The following LRRC72 variants were observed in gnomAD, a reference collection of about 807,000 sequenced individuals.
The protein encoded by LRRC72 is leucine-rich repeat-containing protein 72.
A neutral mutation model predicts 35.8 loss-of-function variants in LRRC72; 41 were observed. The observed-to-expected ratio is 1.15, with a 90% CI of 0.89 to 1.49. The LOEUF is 1.49. Ranked by LOEUF, LRRC72 falls within the 40% of genes most tolerant of loss-of-function variation. The pLI, the probability that LRRC72 is intolerant of heterozygous loss-of-function variation, is 0.00. For synonymous variants in LRRC72, 118 were observed against 119.2 expected, an observed-to-expected ratio of 0.99 and a Z score of 0.07; for missense variants, 389 against 330.7, an observed-to-expected ratio of 1.18 and a Z score of -1.37.
chr7:16,564,085 A>ATTCT (rs756022123), intron 5 of LRRC72, among the ~76,000 whole-genome samples: 3 of 152,228 alleles, frequency 2.0e-5, no homozygotes, highest in Non-Finnish European at 4.4e-5. Context: ...GGGAAAGAGA[A>ATTCT]GACGAAGGGT....
chr7:16,530,865 C>T (rs879462281), intron 1 of LRRC72, among the ~76,000 whole-genome samples: 2 of 152,104 alleles, frequency 1.3e-5, no homozygotes, highest in South Asian at 2.1e-4. Flanking sequence ...ACTGACTGTA[C>T]GTAGTAGAGG....
chr7:16,570,406 A>G (rs1487339896), intron 7 of LRRC72, among the ~76,000 whole-genome samples: 1 of 152,240 alleles, frequency 6.6e-6, no homozygotes, highest in Non-Finnish European at 1.5e-5. Flanking sequence ...TCATCCTGGT[A>G]TCTGCAACTT....
intron 6 of LRRC72, among the ~76,000 whole-genome samples, chr7:16,567,053 C>T (rs554005170): frequency 9.2e-5 from 14 of 152,048 alleles, no homozygotes; most frequent in Non-Finnish European, 1.8e-4. Context: ...TAGGATACAT[C>T]GGAAACTTAT....
At chr7:16,574,711 C>A (rs930773626) in intron 7 of LRRC72, among the ~76,000 whole-genome samples, 5 of 151,870 alleles carry the variant, frequency 3.3e-5, no homozygotes, top group Non-Finnish European at 7.4e-5. Context: ...GATGGGTTGA[C>A]GGGTGCAGCA....
intron 3 of LRRC72, among the ~76,000 whole-genome samples, chr7:16,548,070 C>T (rs62441150): frequency 0.029 from 4,419 of 152,320 alleles, 110 homozygotes; most frequent in East Asian, 0.14. Flanking sequence ...CTCAGCCAGA[C>T]TTGAAGAGAC....
intron 7 of LRRC72, among the ~76,000 whole-genome samples, chr7:16,578,326 A>G (rs6960551): frequency 0.088 from 13,317 of 152,164 alleles, 705 homozygotes; most frequent in African/African-American, 0.15. Flanking sequence ...TACAAAAATT[A>G]GCCAGGCGTG....
intron 5 of LRRC72, among the ~76,000 whole-genome samples, chr7:16,560,929 A>T (rs1055250623): frequency 1.3e-5 from 2 of 152,204 alleles, no homozygotes; most frequent in South Asian, 4.1e-4. Context: ...TTATAGTCGC[A>T]TTTAAATCTT....
intron 3 of LRRC72, among the ~76,000 whole-genome samples, chr7:16,545,000 G>A (rs1583639859): frequency 6.6e-6 from 1 of 152,144 alleles, no homozygotes; most frequent in Non-Finnish European, 1.5e-5. Flanking sequence ...CACTCACACT[G>A]ACTAGAGAAT....
rs1158012935 is a variant in LRRC72, at chr7:16,558,874, TTC to T, written c.317-13_317-12del. The T allele has an allele frequency of 1.0e-5, 14 of 1,347,326 alleles. No homozygotes were observed. Among genetic ancestry groups the T allele is most frequent in the Non-Finnish European group, 1.3e-5 (13 of 1,021,726 alleles). 83.5% of individuals were successfully genotyped at this position (1,347,326 alleles called of 1,614,324 possible). ...AAATGTTTAAAATCTTGTAAAAATA[TTC>T]TGTTTTTTTTAGGTCTGCATTATTT... On this transcript the variant is annotated splice_polypyrimidine_tract_variant and intron_variant, in intron 4 of 8. Coordinates refer to ENST00000401542, the MANE Select transcript of LRRC72 (RefSeq NM_001195280.2).
intron 3 of LRRC72, among the ~76,000 whole-genome samples, chr7:16,547,053 C>T (rs1782455604): frequency 1.3e-5 from 2 of 152,162 alleles, no homozygotes; most frequent in Non-Finnish European, 2.9e-5. Context: ...ACTGCACCAC[C>T]TCCACCCTCG....
chr7:16,563,921 A>G (rs1782784119), intron 5 of LRRC72, among the ~76,000 whole-genome samples: 7 of 152,240 alleles, frequency 4.6e-5, no homozygotes, highest in Admixed American at 4.6e-4. Context: ...TAGTATCAAT[A>G]TGTTGCTAAT....
chr7:16,574,941 C>A (rs550435034), intron 7 of LRRC72, among the ~76,000 whole-genome samples: 2 of 152,094 alleles, frequency 1.3e-5, no homozygotes, highest in Non-Finnish European at 2.9e-5. Flanking sequence ...TATGGTTAAA[C>A]CCCGTCTCTA....
intron 5 of LRRC72, among the ~76,000 whole-genome samples, chr7:16,560,826 G>A (rs1454916075): frequency 1.3e-5 from 2 of 152,018 alleles, no homozygotes; most frequent in Admixed American, 6.5e-5. Context: ...ATCCAGTCTC[G>A]AAATTCTGCT....
chr7:16,576,901 A>G (rs961438032), intron 7 of LRRC72, among the ~76,000 whole-genome samples: 6 of 152,300 alleles, frequency 3.9e-5, no homozygotes, highest in African/African-American at 1.4e-4. Context: ...GGTAAGGCCA[A>G]AAAGGAAGAC....
chr7:16,537,277 T>C, intron 2 of LRRC72: 1 of 170,740 alleles, frequency 5.9e-6, no homozygotes, highest in Non-Finnish European at 1.2e-5. Context: ...TTCCCACATT[T>C]ACTTGAAAGT....
chr7:16,535,156 T>C (rs1782231445), intron 2 of LRRC72, among the ~76,000 whole-genome samples: 1 of 151,908 alleles, frequency 6.6e-6, no homozygotes, highest in South Asian at 2.1e-4. Context: ...GCCACTGTAC[T>C]CCAGCCTGGG....
At chr7:16,544,147 A>G (rs1243667198) in intron 3 of LRRC72, among the ~76,000 whole-genome samples, 1 of 152,188 alleles carries the variant, frequency 6.6e-6, no homozygotes, top group African/African-American at 2.4e-5. Context: ...ATGAGACAAC[A>G]CAGTTGTCTT....
intron 3 of LRRC72, among the ~76,000 whole-genome samples, chr7:16,539,410 A>G (rs560278580): frequency 6.6e-6 from 1 of 152,376 alleles, no homozygotes; most frequent in Admixed American, 6.5e-5. Flanking sequence ...GAAAGCATTC[A>G]GTCATATGCA....
At chr7:16,561,082 T>C (rs1369656845) in intron 5 of LRRC72, among the ~76,000 whole-genome samples, 1 of 152,206 alleles carries the variant, frequency 6.6e-6, no homozygotes, top group African/African-American at 2.4e-5. Flanking sequence ...ATTCATTCAA[T>C]AAATATTTAT....
Sources: allele counts gnomAD v4.1 joint callset (sites outside exome capture counted in the v4.1 genomes callset), GRCh38; gene constraint gnomAD v4.1.1; transcripts MANE v1.5; gene names NCBI Gene and HGNC (gene_info 2026-07-23, HGNC 2026-07-21).